The following ITPKB variants were observed in gnomAD, a reference collection of about 807,000 sequenced individuals.
ITPKB encodes the protein inositol-trisphosphate 3-kinase B.
Under a neutral mutation model 69.4 loss-of-function variants are expected in ITPKB, and 13 were observed. The observed-to-expected ratio is 0.19, with a 90% CI of 0.12 to 0.30. The LOEUF (loss-of-function observed/expected upper bound fraction) is 0.30. Among genes scored for constraint, ITPKB ranks in the 10% least tolerant of loss-of-function variants. The pLI is 1.00. For synonymous variants in ITPKB, 584 were observed against 513.7 expected (o/e 1.14, Z -1.85); for missense variants, 1,240 against 1,250.5 (o/e 0.99, Z 0.13).
intron 2 of ITPKB, among the ~76,000 whole-genome samples, chr1:226,688,347 G>A (rs776028061): frequency 2.0e-5 from 3 of 152,070 alleles, no homozygotes; most frequent in Non-Finnish European, 4.4e-5. Context: ...GAGCTGTTCC[G>A]GGAAACTCAG....
chr1:226,732,856 T>A (rs1302185686), intron 2 of ITPKB, among the ~76,000 whole-genome samples: 3 of 152,212 alleles, frequency 2.0e-5, no homozygotes, highest in Non-Finnish European at 4.4e-5. Context: ...GTAATGCAAC[T>A]ATTTCTGAGC....
intron 2 of ITPKB, among the ~76,000 whole-genome samples, chr1:226,648,995 CCT>C (rs1482539565): frequency 6.6e-6 from 1 of 152,176 alleles, no homozygotes; most frequent in African/African-American, 2.4e-5. Context: ...GGGGAACTCC[CCT>C]GTCCCAAGAG....
intron 2 of ITPKB, among the ~76,000 whole-genome samples, chr1:226,722,634 C>T (rs1377846543): frequency 6.6e-6 from 1 of 152,178 alleles, no homozygotes; most frequent in African/African-American, 2.4e-5. Context: ...CGCCATCAGA[C>T]CACCCCTGAG....
At chr1:226,684,023 C>G (rs1362222173) in intron 2 of ITPKB, among the ~76,000 whole-genome samples, 1 of 152,146 alleles carries the variant, frequency 6.6e-6, no homozygotes, top group East Asian at 1.9e-4. Flanking sequence ...GACAAACCAT[C>G]TGACTTTCTG....
rs117185933 is a variant in ITPKB, at chr1:226,737,538, G to A, written c.-80C>T. 5.2e-3 allele frequency: 6,825 copies of A among 1,321,832 alleles called. 271 individuals are homozygous for A. In the Admixed American group the frequency reaches 0.084, roughly 16 times the overall value. The allele number at this position is 1,321,832 out of a possible 1,614,324, so 81.9% of individuals were successfully genotyped here. On this transcript the variant is annotated 5_prime_UTR_variant, in exon 2 of 8. Coordinates refer to ENST00000429204, the MANE Select transcript of ITPKB (RefSeq NM_002221.4). ...GGCGCCTCCTCCTCCCGGCGCTCCC[G>A]GCTCAGCCCCGGAGGCCCGGCAGCC... is the stretch of plus-strand genomic sequence containing the variant.
intron 2 of ITPKB, among the ~76,000 whole-genome samples, chr1:226,651,152 C>G (rs1416983515): frequency 1.3e-5 from 2 of 152,118 alleles, no homozygotes; most frequent in East Asian, 1.9e-4. Context: ...GAGAAGACTA[C>G]AGCTGGCAGC....
intron 2 of ITPKB, among the ~76,000 whole-genome samples, chr1:226,730,251 C>A (rs1657551241): frequency 6.6e-6 from 1 of 152,208 alleles, no homozygotes; most frequent in Non-Finnish European, 1.5e-5. Context: ...TTGTTTGGGA[C>A]TGCCTGTAGC....
Position 226,737,194 on chromosome 1 carries a change from C to CACTGCCGCTGCT in ITPKB, c.253_264dup (p.Ser85_Ser88dup). 1 of 1,587,612 alleles carries CACTGCCGCTGCT rather than the reference C, an allele frequency of 6.3e-7. No homozygotes were observed. Among genetic ancestry groups the CACTGCCGCTGCT allele is most frequent in the South Asian group, 1.1e-5 (1 of 90,202 alleles). On this transcript the variant is annotated inframe_insertion, in exon 2 of 8. Coordinates refer to ENST00000429204, the MANE Select transcript of ITPKB (RefSeq NM_002221.4). ...ACGCTACTGCCGCTGCTGCCGCTGC[C>CACTGCCGCTGCT]ACTGCCGCTGCTACTATTCAGCCTG...
At chr1:226,661,578 T>C (rs971209079) in intron 2 of ITPKB, among the ~76,000 whole-genome samples, 1 of 152,258 alleles carries the variant, frequency 6.6e-6, no homozygotes, top group African/African-American at 2.4e-5. Flanking sequence ...CACTCCTGGC[T>C]GGTGGCACTA....
chr1:226,737,465 G>A lies in ITPKB; in HGVS notation c.-7C>T, dbSNP rs1189272375. On this transcript the variant is annotated 5_prime_UTR_variant, in exon 2 of 8. Coordinates refer to ENST00000429204, the MANE Select transcript of ITPKB (RefSeq NM_002221.4). ...CATAGCAGTACACAGCCATAGTACT[G>A]GGTCCCGCGCTGCCCGCCGCCGCGG... is the stretch of plus-strand genomic sequence containing the variant. 1.3e-6 allele frequency: 2 copies of A among 1,586,902 alleles called. No individual in the cohort carries two copies. Among genetic ancestry groups the A allele is most frequent in the African/African-American group, 2.8e-5 (2 of 71,494 alleles).
chr1:226,732,028 G>A (rs1571880528), intron 2 of ITPKB, among the ~76,000 whole-genome samples: 1 of 136,132 alleles, frequency 7.3e-6, no homozygotes, highest in Admixed American at 8.1e-5. Context: ...ATGTTAAACT[G>A]TTTGGATTTT....
intron 2 of ITPKB, among the ~76,000 whole-genome samples, chr1:226,710,164 G>A (rs889685010): frequency 6.6e-6 from 1 of 152,154 alleles, no homozygotes; most frequent in Non-Finnish European, 1.5e-5. Flanking sequence ...GTCTGGGGTG[G>A]GGCAGCTGGT....
chr1:226,691,835 C>T (rs572148655), intron 2 of ITPKB, among the ~76,000 whole-genome samples: 1 of 152,294 alleles, frequency 6.6e-6, no homozygotes, highest in African/African-American at 2.4e-5. Flanking sequence ...CTACCCCAAG[C>T]TAATAGCAAA....
At chr1:226,699,151 T>C (rs1446339000) in intron 2 of ITPKB, among the ~76,000 whole-genome samples, 1 of 152,182 alleles carries the variant, frequency 6.6e-6, no homozygotes, top group Non-Finnish European at 1.5e-5. Flanking sequence ...AAAAGTCTCA[T>C]CTAGAAGGAA....
intron 2 of ITPKB, chr1:226,657,342 G>A (rs1355182697): frequency 6.6e-6 from 1 of 152,184 alleles, no homozygotes. Context: ...TCTAGAGGGG[G>A]TTTACATTCT....
rs1398512400 is a variant in ITPKB at position 226,739,130 on chromosome 1, T to C, written c.-295A>G. 1 of 151,694 alleles carries C rather than the reference T, an allele frequency of 6.6e-6. No individual in the cohort carries two copies. Among genetic ancestry groups the C allele is most frequent in the Non-Finnish European group, 1.5e-5 (1 of 67,926 alleles). The allele number at this position is 151,694 out of a possible 1,614,324, so 9.4% of individuals were successfully genotyped here. ...GACGAGATGGCTTTAAAAGTAAAAATGCTCAGAAATTATTTTCTCACAAGC... is the reference window on the plus strand; with the variant it reads ...GACGAGATGGCTTTAAAAGTAAAAACGCTCAGAAATTATTTTCTCACAAGC... On this transcript the variant is annotated 5_prime_UTR_variant, in exon 1 of 8. Transcript: ENST00000429204.
intron 2 of ITPKB, among the ~76,000 whole-genome samples, chr1:226,659,986 T>C (rs73100927): frequency 0.03 from 4,622 of 152,310 alleles, 222 homozygotes; most frequent in African/African-American, 0.1. Context: ...CACTGCTTTA[T>C]GTTCACCTGC....
At chr1:226,680,531 T>G (rs1473650536) in intron 2 of ITPKB, among the ~76,000 whole-genome samples, 2 of 152,160 alleles carry the variant, frequency 1.3e-5, no homozygotes, top group East Asian at 3.9e-4. Context: ...CTCTAATGAT[T>G]ACTTGTATTA....
intron 2 of ITPKB, among the ~76,000 whole-genome samples, chr1:226,693,740 T>A (rs906412317): frequency 1.3e-5 from 2 of 152,250 alleles, no homozygotes; most frequent in Non-Finnish European, 2.9e-5. Context: ...CCCACGTTTT[T>A]GAATTAAAGG....
Sources: gnomAD v4.1 joint callset for allele counts (sites outside exome capture counted in the v4.1 genomes callset) on GRCh38, gnomAD v4.1.1 for gene constraint, MANE v1.5 for transcripts, NCBI Gene and HGNC (gene_info 2026-07-23, HGNC 2026-07-21) for gene names.